CDC27: variants seen among roughly 807,000 people sequenced by gnomAD.
The protein encoded by CDC27 is cell division cycle 27.
CDC27 carries 27 observed loss-of-function variants against 109.7 expected under a neutral mutation model. The observed-to-expected ratio is 0.25, with a 90% CI of 0.18 to 0.34. The LOEUF is 0.34. CDC27 is among the 10% of genes least tolerant of loss of function. The probability of loss-of-function intolerance (pLI) is 1.00; values close to 1 mark genes in which losing one functional copy is unlikely to be tolerated. For missense variants in CDC27, 579 were observed against 960.2 expected, an observed-to-expected ratio of 0.60 and a Z score of 5.25; for synonymous variants, 266 against 333.9, an observed-to-expected ratio of 0.80 and a Z score of 2.22.
chr17:47,148,227 C>T (rs1019710405), intron 9 of CDC27, among the ~76,000 whole-genome samples: 3 of 149,804 alleles, frequency 2.0e-5, no homozygotes, highest in Admixed American at 6.7e-5. Flanking sequence ...AGAAAGAAAA[C>T]CAAATCAATC....
chr17:47,176,826 A>G (rs2064031861), intron 2 of CDC27, among the ~76,000 whole-genome samples: 1 of 152,262 alleles, frequency 6.6e-6, no homozygotes, highest in Admixed American at 6.5e-5. Flanking sequence ...TCTTGGATCA[A>G]TAAAGGCCTC....
chr17:47,165,630 C>T (rs2063620421), intron 4 of CDC27, among the ~76,000 whole-genome samples: 1 of 152,088 alleles, frequency 6.6e-6, no homozygotes, highest in South Asian at 2.1e-4. Context: ...TGTGTATTTT[C>T]ATTAATGTCT....
chr17:47,121,775 T>C (rs1266046126), intron 18 of CDC27, among the ~76,000 whole-genome samples: 1 of 151,768 alleles, frequency 6.6e-6, no homozygotes, highest in African/African-American at 2.4e-5. Context: ...GTTTCATTCT[T>C]GTCATCCAGG....
chr17:47,135,237 A>T (rs112942510), intron 14 of CDC27, among the ~76,000 whole-genome samples: 29 of 152,218 alleles, frequency 1.9e-4, no homozygotes, highest in African/African-American at 6.7e-4. Flanking sequence ...TCCCCCACTT[A>T]CTGTTATCAA....
Position 47,122,336 on chromosome 17 carries a change from G to A in CDC27, c.2392+108C>T, listed in dbSNP as rs1176537492. 4.2e-6 allele frequency: 3 copies of A among 714,972 alleles called. No homozygotes were observed. In the South Asian group the frequency reaches 9.5e-5, roughly 23 times the overall value. 44.3% of individuals were successfully genotyped at this position (714,972 alleles called of 1,614,324 possible). A position where few individuals can be genotyped will look rare whatever the true frequency, so the allele number is the denominator to read the frequency against. ...TTCAATTTCCCTAAAAGTCCATTTG[G>A]TATAATGAAAACACCATGGTTAGAA... On this transcript the variant is annotated intron_variant, in intron 18 of 18. Transcript: ENST00000066544.
intron 9 of CDC27, among the ~76,000 whole-genome samples, chr17:47,145,687 G>C (rs977962721): frequency 6.6e-6 from 1 of 152,082 alleles, no homozygotes; most frequent in African/African-American, 2.4e-5. Context: ...CGGATCACGA[G>C]GTCAAGAGAT....
intron 9 of CDC27, among the ~76,000 whole-genome samples, chr17:47,146,543 T>C (rs112120512): frequency 1.3e-5 from 2 of 152,182 alleles, no homozygotes; most frequent in Non-Finnish European, 2.9e-5. Context: ...ATACTTTCAA[T>C]AGGCAGAGTG....
chr17:47,144,174 C>T (rs905624590), intron 9 of CDC27, among the ~76,000 whole-genome samples, 192 bp from the exon 10 acceptor site: 1 of 152,122 alleles, frequency 6.6e-6, no homozygotes, highest in Non-Finnish European at 1.5e-5. Flanking sequence ...CTCGGACTGG[C>T]TTTCCTGCTT....
Position 47,151,845 on chromosome 17 carries a change from G to A in CDC27, c.1031C>T (p.Pro344Leu). 6.2e-7 allele frequency: 1 copy of A among 1,606,040 alleles called. No homozygotes were observed. Among genetic ancestry groups the A allele is most frequent in the Non-Finnish European group, 8.5e-7 (1 of 1,176,290 alleles). ...AGAACTTTGTGTTTGTGCAAGAATTGGAGTTACCTCTCGGCTATTTCCACT... is the reference window on the plus strand; with the variant it reads ...AGAACTTTGTGTTTGTGCAAGAATTAGAGTTACCTCTCGGCTATTTCCACT... Reference protein sequence around the residue: ...SQSGNSREVTPILAQTQSSGP... With the variant: ...SQSGNSREVTLILAQTQSSGP... The change falls in exon 9 of 19, where the codon CCA becomes CTA. Residue 344 changes from proline (P) to leucine (L), a missense_variant. Transcript: ENST00000066544.
chr17:47,181,387 T>C (rs1254868185), intron 2 of CDC27, 175 bp downstream of exon 2: 2 of 386,440 alleles, frequency 5.2e-6, no homozygotes, highest in East Asian at 7.5e-5. Flanking sequence ...ACATAGTTAT[T>C]AAAAGTAGTA....
chr17:47,180,685 A>T lies in CDC27; in HGVS notation c.103+877T>A, dbSNP rs574238352. Among the ~76,000 whole-genome samples, 13 of 152,120 alleles carry T rather than the reference A, an allele frequency of 8.5e-5. 1 individual carries two copies. The highest frequency in any genetic ancestry group is 1.9e-4 in the Non-Finnish European group (13 of 68,020). On this transcript the variant is annotated intron_variant, in intron 2 of 18. Transcript: ENST00000066544. ...GAATTATAATAATGACAGAAACAAA[A>T]CATACATTATCAGTGGTGTTTATTA...
Position 47,140,699 on chromosome 17 carries a change from C to T in CDC27, c.1551+1154G>A, listed in dbSNP as rs568139454. ...GAAATAATTTTTTAAATGGCTTTTC[C>T]GAACACAGCTCTTGCCTGTCTGTGT... On this transcript the variant is annotated intron_variant, in intron 12 of 18. Transcript: ENST00000066544. 6.8e-4 allele frequency among the ~76,000 whole-genome samples: 104 copies of T among 152,198 alleles called. 2 individuals are homozygous for T. Among genetic ancestry groups the T allele is most frequent in the South Asian group, 1.7e-3 (8 of 4,830 alleles).
chr17:47,176,224 T>G (rs2064000577), intron 2 of CDC27, among the ~76,000 whole-genome samples: 7 of 152,114 alleles, frequency 4.6e-5, no homozygotes, highest in Admixed American at 4.6e-4. Flanking sequence ...AGTAATTCTA[T>G]TTCATCAACT....
At chr17:47,134,297 C>T (rs1011597978) in intron 14 of CDC27, among the ~76,000 whole-genome samples, 1 of 144,110 alleles carries the variant, frequency 6.9e-6, no homozygotes, top group South Asian at 2.2e-4. Context: ...CACCCCTAAA[C>T]CCATATAGAT....
Position 47,137,185 on chromosome 17 carries a change from G to C in CDC27, c.1880C>G (p.Ala627Gly). The C allele has an allele frequency of 6.2e-7, 1 of 1,608,646 alleles. No homozygotes were observed. The highest frequency in any genetic ancestry group is 8.5e-7 in the Non-Finnish European group (1 of 1,177,974). Residue 627 changes from alanine (A) to glycine (G), a missense_variant, in exon 14 of 19, where the codon GCT (alanine) becomes GGT (glycine). Transcript: ENST00000066544. ...LDKALACFRNAIRVNPRHYNA... is the reference protein window; with the variant it reads ...LDKALACFRNGIRVNPRHYNA... ...ATAATGTCTAGGATTGACTCTGATA[G>C]CATTTCGAAAACAAGCTAATGCTTT...
rs2061919753 is a variant in CDC27 at position 47,118,397 on chromosome 17, CCTT to C, written c.*2535_*2537del. 6.6e-6 allele frequency: 1 copy of C among 152,618 alleles called. No individual in the cohort carries two copies. Among genetic ancestry groups the C allele is most frequent in the South Asian group, 2.1e-4 (1 of 4,828 alleles). 9.5% of individuals were successfully genotyped at this position (152,618 alleles called of 1,614,324 possible). A position where few individuals can be genotyped will look rare whatever the true frequency, so the allele number is the denominator to read the frequency against. ...CTGTTCTCTTGAAAAAATATTCTAACCTTCTAAAATCCCAGAGTTAAGAACCAT... is the reference window on the plus strand; with the variant it reads ...CTGTTCTCTTGAAAAAATATTCTAACCTAAAATCCCAGAGTTAAGAACCAT... On this transcript the variant is annotated 3_prime_UTR_variant, in exon 19 of 19. Coordinates refer to ENST00000066544, the MANE Select transcript of CDC27 (RefSeq NM_001256.6).
chr17:47,137,959 C>T (rs1211575988), intron 13 of CDC27, among the ~76,000 whole-genome samples: 1 of 152,006 alleles, frequency 6.6e-6, no homozygotes, highest in Non-Finnish European at 1.5e-5. Flanking sequence ...AGCCACCATA[C>T]CTGGCTAATT....
chr17:47,169,539 G>C (rs1336637151), intron 4 of CDC27, among the ~76,000 whole-genome samples: 1 of 151,770 alleles, frequency 6.6e-6, no homozygotes, highest in Non-Finnish European at 1.5e-5. Flanking sequence ...CAGCTACTTG[G>C]GAGGCTGAGG....
At chr17:47,188,605 TG>T in intron 1 of CDC27, 1 of 316,762 alleles carries the variant, frequency 3.2e-6, no homozygotes, top group African/African-American at 2.3e-5. Flanking sequence ...CATTGTCCGG[TG>T]GGAAATTCAC....
Sources: allele counts gnomAD v4.1 joint callset (sites outside exome capture counted in the v4.1 genomes callset), GRCh38; gene constraint gnomAD v4.1.1; transcripts MANE v1.5; gene names NCBI Gene and HGNC (gene_info 2026-07-23, HGNC 2026-07-21).